The following KCNAB2 variants were observed in gnomAD, a reference collection of about 807,000 sequenced individuals.
KCNAB2 encodes potassium voltage-gated channel subfamily A regulatory beta subunit 2, also known as voltage-gated potassium channel subunit beta-2.
KCNAB2 carries 29 observed loss-of-function variants against 63.6 expected under a neutral mutation model. The ratio of observed to expected loss-of-function variants is 0.46; its 90% CI spans 0.34 to 0.62. The LOEUF (loss-of-function observed/expected upper bound fraction) is 0.62, where lower values mean the gene tolerates loss of function less well. KCNAB2 is among the 20% of genes least tolerant of loss of function. The pLI, the probability that KCNAB2 is intolerant of heterozygous loss-of-function variation, is 0.01. For synonymous variants in KCNAB2, 222 were observed against 224.2 expected (o/e 0.99, Z 0.09); for missense variants, 359 against 563.9 (o/e 0.64, Z 3.68).
At chr1:6,080,793 C>G (rs1371157149) in intron 4 of KCNAB2, among the ~76,000 whole-genome samples, 3 of 152,218 alleles carry the variant, frequency 2.0e-5, no homozygotes, top group Non-Finnish European at 4.4e-5. Context: ...GGTGGCTACT[C>G]CGTCCTCACT....
At chr1:6,005,415 GGT>G (rs1657589286) in intron 1 of KCNAB2, among the ~76,000 whole-genome samples, 4 of 137,302 alleles carry the variant, frequency 2.9e-5, no homozygotes, top group African/African-American at 1.1e-4. Flanking sequence ...GAGGGGTGGG[GGT>G]GGAGTTGTGG....
chr1:6,031,456 CTG>C (rs1659618250), upstream of KCNAB2, among the ~76,000 whole-genome samples: 1 of 152,206 alleles, frequency 6.6e-6, no homozygotes, highest in Non-Finnish European at 1.5e-5. The surrounding 1 kb of genome is among the most constrained non-coding windows in gnomAD (Gnocchi z 4.1). Flanking sequence ...GATGAGAAAA[CTG>C]AGGCTCCAAG....
At chr1:6,084,215 C>G (rs1664451655) in intron 5 of KCNAB2, among the ~76,000 whole-genome samples, 1 of 152,240 alleles carries the variant, frequency 6.6e-6, no homozygotes, top group South Asian at 2.1e-4. Context: ...GCAGAAAGTT[C>G]TTCAAAGTTA....
intron 13 of KCNAB2, 54 bp downstream of exon 13, chr1:6,095,678 G>T: frequency 1.3e-6 from 2 of 1,551,202 alleles, no homozygotes; most frequent in Non-Finnish European, 1.8e-6. Context: ...ATTTTGGACG[G>T]GTGGGACCTT....
At position 6,077,166 on chromosome 1, in the gene KCNAB2, A is replaced by T. The variant is rs1571041708; in HGVS notation, c.300+3396A>T. On this transcript the variant is annotated intron_variant, in intron 4 of 15. Coordinates refer to ENST00000378083, the MANE Select transcript of KCNAB2 (RefSeq NM_001199862.2). ...GCACCACTGCACTCCAGCCTGGATG[A>T]CAGAGCGACACTCCATCTCAAAAAA... is the stretch of plus-strand genomic sequence containing the variant. Among the ~76,000 whole-genome samples, 5 of 151,602 alleles carry T rather than the reference A, an allele frequency of 3.3e-5. 1 individual carries two copies. In the South Asian group the frequency reaches 1.1e-3, roughly 32 times the overall value.
At chr1:6,038,486 G>C (rs1660233106) in intron 1 of KCNAB2, among the ~76,000 whole-genome samples, 1 of 151,818 alleles carries the variant, frequency 6.6e-6, no homozygotes, top group Non-Finnish European at 1.5e-5. Context: ...TTTTTGTAGA[G>C]ACTGGGTCTC....
intron 9 of KCNAB2, among the ~76,000 whole-genome samples, chr1:6,090,823 C>A (rs1665128043): frequency 6.6e-6 from 1 of 152,216 alleles, no homozygotes. Flanking sequence ...AGTGTGGGGA[C>A]TCCAACTGCG....
At position 6,086,760 on chromosome 1, in the gene KCNAB2, C is replaced by T. The variant is rs919956706; in HGVS notation, c.426-707C>T. On this transcript the variant is annotated intron_variant, in intron 6 of 15. Coordinates refer to ENST00000378083, the MANE Select transcript of KCNAB2 (RefSeq NM_001199862.2). The surrounding 1 kb of genome is among the most constrained non-coding windows in gnomAD (Gnocchi z 4.2). ...TTTGCGCTGCTCAAGCCCAAATCCTCAGAATTCTCTGCCTCAGCTACTCAA... is the reference window on the plus strand; with the variant it reads ...TTTGCGCTGCTCAAGCCCAAATCCTTAGAATTCTCTGCCTCAGCTACTCAA... 1.6e-4 allele frequency among the ~76,000 whole-genome samples: 25 copies of T among 152,270 alleles called. No individual in the cohort carries two copies. The East Asian group carries it at 4.6e-3, about 28-fold the overall frequency.
chr1:6,009,599 G>T (rs1658032907), intron 1 of KCNAB2, among the ~76,000 whole-genome samples: 1 of 152,216 alleles, frequency 6.6e-6, no homozygotes, highest in Non-Finnish European at 1.5e-5. Flanking sequence ...TCACAAAAGG[G>T]TGTCAAATTA....
At chr1:6,002,246 G>A (rs936884472) in intron 1 of KCNAB2, among the ~76,000 whole-genome samples, 4 of 152,234 alleles carry the variant, frequency 2.6e-5, no homozygotes, top group Non-Finnish European at 4.4e-5. Context: ...CTGGCCCAAC[G>A]GAGGCCAACT....
chr1:6,001,634 G>A (rs1657267816), intron 1 of KCNAB2, among the ~76,000 whole-genome samples: 2 of 152,242 alleles, frequency 1.3e-5, no homozygotes, highest in South Asian at 4.1e-4. Context: ...TCAGGTCAGG[G>A]GACGCTTCCC....
chr1:6,065,709 G>C (rs1427836614), intron 2 of KCNAB2, among the ~76,000 whole-genome samples: 1 of 152,214 alleles, frequency 6.6e-6, no homozygotes, highest in African/African-American at 2.4e-5. Context: ...TTTGGAGACT[G>C]TTGGGCTGAG....
upstream of KCNAB2, chr1:6,041,355 G>A (rs1660483757): frequency 5.6e-6 from 1 of 179,878 alleles, no homozygotes; most frequent in Non-Finnish European, 1.2e-5. Context: ...TGGGGCCTGA[G>A]CCAGAGCCCG....
At chr1:6,046,441 G>A (rs1250172153) in intron 1 of KCNAB2, among the ~76,000 whole-genome samples, 1 of 152,234 alleles carries the variant, frequency 6.6e-6, no homozygotes, top group Non-Finnish European at 1.5e-5. Context: ...TCTGCTCACA[G>A]CCCAGACCTG....
chr1:6,048,585 C>A (rs1661131548), intron 1 of KCNAB2, among the ~76,000 whole-genome samples: 1 of 152,242 alleles, frequency 6.6e-6, no homozygotes, highest in African/African-American at 2.4e-5. Flanking sequence ...CCAAACCAGA[C>A]CCGGATTGCT....
rs1571075397 is a variant in KCNAB2, at chr1:6,085,922, G to A, written c.425+674G>A. The A allele has an allele frequency of 3.0e-6, 3 of 985,514 alleles. No individual in the cohort carries two copies. The African/African-American group carries it at 5.2e-5, about 17-fold the overall frequency. The allele number at this position is 985,514 out of a possible 1,614,324, so 61.0% of individuals were successfully genotyped here. Reference sequence around the variant, plus strand: ...AAGTGGTCCCCTCCAGCACAGACCGGGGAGCGGTCCCCGGGTGTGATGGAG... The same window carrying A: ...AAGTGGTCCCCTCCAGCACAGACCGAGGAGCGGTCCCCGGGTGTGATGGAG... On this transcript the variant is annotated intron_variant, in intron 6 of 15. Coordinates refer to ENST00000378083, the MANE Select transcript of KCNAB2 (RefSeq NM_001199862.2).
In KCNAB2 at chr1:6,071,886, T is replaced by C. The variant is rs1403697981; in HGVS notation, c.219-869T>C. Among the ~76,000 whole-genome samples, 1 of 148,578 alleles carries C rather than the reference T, an allele frequency of 6.7e-6. No homozygotes were observed. The highest frequency in any genetic ancestry group is 1.5e-5 in the Non-Finnish European group (1 of 67,224). On this transcript the variant is annotated intron_variant, in intron 2 of 15. Transcript: ENST00000378083. The surrounding 1 kb of genome is among the most constrained non-coding windows in gnomAD (Gnocchi z 8.5). Reference sequence around the variant, plus strand: ...TGCCGCGTGGGCTCCTCCTGCCGCGTAGGGCTCCTCCTGCCGCGTAGGGCT... The same window carrying C: ...TGCCGCGTGGGCTCCTCCTGCCGCGCAGGGCTCCTCCTGCCGCGTAGGGCT...
At chr1:6,006,585 C>G (rs1265293421) in intron 1 of KCNAB2, among the ~76,000 whole-genome samples, 1 of 2,918 alleles carries the variant, frequency 3.4e-4, no homozygotes, top group Non-Finnish European at 6.9e-4. Context: ...CATCCCCCCA[C>G]TTCACCCTCA....
In KCNAB2 at chr1:6,078,533, C is replaced by T. The variant is rs1051891876; in HGVS notation, c.301-3662C>T. Among the ~76,000 whole-genome samples the T allele has an allele frequency of 6.6e-6, 1 of 151,764 alleles. No individual in the cohort carries two copies. The highest frequency in any genetic ancestry group is 2.4e-5 in the African/African-American group (1 of 41,256). ...GTCCAGAGAAAGAGCCTTCGGGGGC[C>T]AAGGGGACAACCAAGGCACAGCCCT... is the stretch of plus-strand genomic sequence containing the variant. On this transcript the variant is annotated intron_variant, in intron 4 of 15. Transcript: ENST00000378083. This position sits in a 1 kb window ranked among gnomAD's most constrained non-coding sequence, Gnocchi z 4.2.
Sources: gnomAD v4.1 joint callset for allele counts (sites outside exome capture counted in the v4.1 genomes callset) on GRCh38, gnomAD v4.1.1 for gene constraint, Gnocchi (gnomAD v3.1) non-coding constraint, MANE v1.5 for transcripts, NCBI Gene and HGNC (gene_info 2026-07-23, HGNC 2026-07-21) for gene names.